The following SLCO3A1 variants were observed in gnomAD, a reference collection of about 807,000 sequenced individuals.
The protein encoded by SLCO3A1 is PGE1 transporter.
Under a neutral mutation model 63.1 loss-of-function variants are expected in SLCO3A1, and 27 were observed. The ratio of observed to expected loss-of-function variants is 0.43; its 90% CI spans 0.32 to 0.59. The LOEUF (loss-of-function observed/expected upper bound fraction) is 0.59. SLCO3A1 is among the 20% of genes least tolerant of loss of function. The pLI, the probability that SLCO3A1 is intolerant of heterozygous loss-of-function variation, is 0.09. For missense variants in SLCO3A1, 773 were observed against 945.8 expected (o/e 0.82, Z 2.40); for synonymous variants, 473 against 409.9 (o/e 1.15, Z -1.86).
intron 4 of SLCO3A1, 89 bp downstream of exon 4, chr15:92,104,631 T>G: frequency 7.3e-7 from 1 of 1,363,634 alleles, no homozygotes; most frequent in Non-Finnish European, 9.9e-7. Context: ...AGGACTGGGG[T>G]GCTTGGGGAC....
At position 92,057,943 on chromosome 15, in the gene SLCO3A1, G is replaced by A. The variant is rs563848903; in HGVS notation, c.647-36938G>A. On this transcript the variant is annotated intron_variant, in intron 2 of 9. Coordinates refer to ENST00000318445, the MANE Select transcript of SLCO3A1 (RefSeq NM_013272.4). The stretch of plus-strand genomic sequence containing the variant: ...TTGCTGGGCAGTGTTCAAAGCTAAT[G>A]GCATTTGCCATCTCTCCTTTTTATT... 1.1e-4 allele frequency among the ~76,000 whole-genome samples: 17 copies of A among 152,274 alleles called. No individual in the cohort carries two copies. In the East Asian group the frequency reaches 3.1e-3, roughly 28 times the overall value.
chr15:92,054,733 A>C (rs1269170875), intron 2 of SLCO3A1, among the ~76,000 whole-genome samples: 1 of 152,150 alleles, frequency 6.6e-6, no homozygotes, highest in African/African-American at 2.4e-5. Context: ...TAGTTTGCTA[A>C]GCATAATGGC....
intron 2 of SLCO3A1, among the ~76,000 whole-genome samples, chr15:92,016,204 T>TATAGATAGATAG (rs1039964856): frequency 0.043 from 5,207 of 119,902 alleles, 178 homozygotes; most frequent in Non-Finnish European, 0.055. Context: ...TATATATTTA[T>TATAGATAGATAG]ATAGATAGAT....
Position 91,916,498 on chromosome 15 carries a change from G to A in SLCO3A1, c.646+40G>A, listed in dbSNP as rs528851089. ...AGCCGTATTAGCAAGAGACCAGGGT[G>A]TGTTGACCATGGATAAAAGGTGGCC... On this transcript the variant is annotated intron_variant, in intron 2 of 9. Transcript: ENST00000318445. This position sits in a 1 kb window ranked among gnomAD's most constrained non-coding sequence, Gnocchi z 6.2. 11 of 1,456,746 alleles carry A rather than the reference G, an allele frequency of 7.6e-6. No homozygotes were observed. Among genetic ancestry groups the A allele is most frequent in the Admixed American group, 2.4e-5 (1 of 42,540 alleles). 90.2% of individuals were successfully genotyped at this position (1,456,746 alleles called of 1,614,324 possible). A position where few individuals can be genotyped will look rare whatever the true frequency, so the allele number is the denominator to read the frequency against.
chr15:92,156,213 A>G (rs887138119), intron 9 of SLCO3A1, among the ~76,000 whole-genome samples: 3 of 152,184 alleles, frequency 2.0e-5, no homozygotes, highest in African/African-American at 7.2e-5. Context: ...CAGCATGCCC[A>G]GGGGCCCCAG....
chr15:92,045,113 T>A (rs1375114347), intron 2 of SLCO3A1, among the ~76,000 whole-genome samples: 1 of 152,090 alleles, frequency 6.6e-6, no homozygotes, highest in Non-Finnish European at 1.5e-5. Context: ...ACACCGTCTC[T>A]ACTAAAAATA....
At chr15:92,145,558 A>C (rs1199695689) in intron 7 of SLCO3A1, among the ~76,000 whole-genome samples, 1 of 152,078 alleles carries the variant, frequency 6.6e-6, no homozygotes. Context: ...CGACCCTTGA[A>C]AAGGGCCCTG....
chr15:92,077,567 G>A (rs953875555), intron 2 of SLCO3A1, among the ~76,000 whole-genome samples: 1 of 152,200 alleles, frequency 6.6e-6, no homozygotes, highest in Non-Finnish European at 1.5e-5. Flanking sequence ...GGAAGCACCT[G>A]AGCCTTTGCC....
intron 2 of SLCO3A1, among the ~76,000 whole-genome samples, chr15:92,004,028 G>T (rs961546618): frequency 6.6e-6 from 1 of 152,188 alleles, no homozygotes; most frequent in African/African-American, 2.4e-5. Flanking sequence ...GGTGCCTTAT[G>T]GTATGTGGTA....
At position 91,988,427 on chromosome 15, in the gene SLCO3A1, A is replaced by ATG. The variant is rs2046082620; in HGVS notation, c.646+71969_646+71970insTG. Reference sequence around the variant, plus strand: ...TAATAAATTAACATTTAAAAATAAAACTAATTTTATTTTTAAATGTTATTT... The same window carrying ATG: ...TAATAAATTAACATTTAAAAATAAAATGCTAATTTTATTTTTAAATGTTATTT... On this transcript the variant is annotated intron_variant, in intron 2 of 9. Coordinates refer to ENST00000318445, the MANE Select transcript of SLCO3A1 (RefSeq NM_013272.4). Among the ~76,000 whole-genome samples, 3 of 152,264 alleles carry ATG rather than the reference A, an allele frequency of 2.0e-5. No individual in the cohort carries two copies. In the South Asian group the frequency reaches 6.2e-4, roughly 32 times the overall value.
chr15:91,987,508 G>A (rs1203245080), intron 2 of SLCO3A1, among the ~76,000 whole-genome samples: 1 of 152,138 alleles, frequency 6.6e-6, no homozygotes, highest in Non-Finnish European at 1.5e-5. Flanking sequence ...TTGGGAGCCT[G>A]AGGCAGGTGG....
intron 4 of SLCO3A1, among the ~76,000 whole-genome samples, chr15:92,117,919 C>G (rs2047815396): frequency 6.6e-6 from 1 of 152,168 alleles, no homozygotes; most frequent in Non-Finnish European, 1.5e-5. Flanking sequence ...ATATTTGTAC[C>G]ATACTTTAAA....
chr15:92,059,506 A>G (rs1459113132), intron 2 of SLCO3A1, among the ~76,000 whole-genome samples: 3 of 152,046 alleles, frequency 2.0e-5, no homozygotes, highest in Non-Finnish European at 2.9e-5. Flanking sequence ...CCTGGCCCTC[A>G]GGGAAGCTTG....
intron 9 of SLCO3A1, among the ~76,000 whole-genome samples, chr15:92,161,376 T>C (rs2048434685): frequency 6.6e-6 from 1 of 152,098 alleles, no homozygotes; most frequent in African/African-American, 2.4e-5. Context: ...GGATGATGAT[T>C]GTCATGGGCA....
chr15:92,149,810 TA>T (rs1266388128), intron 8 of SLCO3A1: 3 of 152,264 alleles, frequency 2.0e-5, no homozygotes, highest in Non-Finnish European at 4.4e-5. Context: ...TTTCAGGTGA[TA>T]AATATTCTAA....
rs1897016746 is a variant in SLCO3A1, at chr15:91,860,298, C to A, written c.180+6210C>A. Among the ~76,000 whole-genome samples, 2 of 152,184 alleles carry A rather than the reference C, an allele frequency of 1.3e-5. No homozygotes were observed. The highest frequency in any genetic ancestry group is 4.1e-4 in the South Asian group (2 of 4,834). On this transcript the variant is annotated intron_variant, in intron 1 of 9. Transcript: ENST00000318445. This position sits in a 1 kb window ranked among gnomAD's most constrained non-coding sequence, Gnocchi z 5.5. ...TGGAGTTGGAAGACCTGGATTTGAA[C>A]TTAGACTTGCTATTTCCCAGCTCCT... is the stretch of plus-strand genomic sequence containing the variant.
At chr15:92,093,477 T>C (rs2047501906) in intron 2 of SLCO3A1, among the ~76,000 whole-genome samples, 1 of 152,150 alleles carries the variant, frequency 6.6e-6, no homozygotes, top group South Asian at 2.1e-4. Context: ...CCACCTCCAA[T>C]ATTATGGATT....
chr15:91,982,985 C>A (rs2046006660), intron 2 of SLCO3A1, among the ~76,000 whole-genome samples: 2 of 152,218 alleles, frequency 1.3e-5, no homozygotes, highest in Non-Finnish European at 2.9e-5. Flanking sequence ...GAATGGCAGC[C>A]CCTGCTTGGG....
chr15:92,100,128 A>G (rs1189092369), intron 3 of SLCO3A1, among the ~76,000 whole-genome samples: 3 of 152,120 alleles, frequency 2.0e-5, no homozygotes, highest in Non-Finnish European at 4.4e-5. Context: ...AACACCTTCT[A>G]TGCCTGTTGA....
Sources: allele counts gnomAD v4.1 joint callset (sites outside exome capture counted in the v4.1 genomes callset), GRCh38; gene constraint gnomAD v4.1.1; non-coding constraint Gnocchi (gnomAD v3.1); transcripts MANE v1.5; gene names NCBI Gene and HGNC (gene_info 2026-07-23, HGNC 2026-07-21).